USP6NL: variants seen among roughly 807,000 people sequenced by gnomAD.
USP6NL encodes USP6 N-terminal-like protein.
USP6NL carries 26 observed loss-of-function variants against 61.9 expected under a neutral mutation model. The observed-to-expected ratio is 0.42, with a 90% CI of 0.31 to 0.58. The LOEUF is 0.58. Among genes scored for constraint, USP6NL ranks in the 20% least tolerant of loss-of-function variants. The pLI is 0.16. For synonymous variants in USP6NL, 432 were observed against 390.1 expected, an observed-to-expected ratio of 1.11 and a Z score of -1.27; for missense variants, 1,114 against 1,034.3, an observed-to-expected ratio of 1.08 and a Z score of -1.06.
At chr10:11,479,131 T>C (rs1238345727) in intron 14 of USP6NL, among the ~76,000 whole-genome samples, 1 of 152,154 alleles carries the variant, frequency 6.6e-6, no homozygotes. Context: ...AACATATAAA[T>C]GTTAGAAGAG....
rs182536828 is a variant in USP6NL at position 11,608,431 on chromosome 10, G to T, written c.-84+3012C>A. 2.5e-3 allele frequency among the ~76,000 whole-genome samples: 388 copies of T among 152,316 alleles called. 2 individuals are homozygous for T. The highest frequency in any genetic ancestry group is 0.016 in the South Asian group (79 of 4,820). On this transcript the variant is annotated intron_variant, in intron 1 of 14. Transcript: ENST00000609104. Reference sequence around the variant, plus strand: ...CCAACAGTGACTGCTCATGGGCTATGGACGGAACTCATACAGAAGCAGCTT... The same window carrying T: ...CCAACAGTGACTGCTCATGGGCTATTGACGGAACTCATACAGAAGCAGCTT...
chr10:11,512,704 G>C (rs36084760), intron 5 of USP6NL, among the ~76,000 whole-genome samples: 17,217 of 152,064 alleles, frequency 0.11, 1,286 homozygotes, highest in East Asian at 0.16. Flanking sequence ...TTTCCTATTT[G>C]TCTGCCTGTC....
intron 2 of USP6NL, among the ~76,000 whole-genome samples, chr10:11,538,274 T>C (rs1200829157): frequency 6.6e-6 from 1 of 152,166 alleles, no homozygotes; most frequent in Non-Finnish European, 1.5e-5. Flanking sequence ...AAAACTAGAA[T>C]TGTAAGCTGC....
At chr10:11,464,434 G>A (rs1382339031) in intron 14 of USP6NL, among the ~76,000 whole-genome samples, 1 of 152,176 alleles carries the variant, frequency 6.6e-6, no homozygotes, top group African/African-American at 2.4e-5. Flanking sequence ...ACAGTGCAGG[G>A]CTCTACTATT....
intron 2 of USP6NL, chr10:11,573,927 A>G: frequency 2.9e-6 from 1 of 349,802 alleles, no homozygotes; most frequent in Non-Finnish European, 5.1e-6. Flanking sequence ...CCCCATCCTC[A>G]AAGTCCAAAA....
intron 2 of USP6NL, among the ~76,000 whole-genome samples, chr10:11,559,100 A>C (rs1352572863): frequency 6.6e-6 from 1 of 152,218 alleles, no homozygotes; most frequent in African/African-American, 2.4e-5. Flanking sequence ...TCCAAGTGTA[A>C]TAGAGCAACA....
intron 5 of USP6NL, among the ~76,000 whole-genome samples, chr10:11,517,262 C>T (rs1466782976): frequency 3.4e-4 from 52 of 152,174 alleles, no homozygotes; most frequent in Non-Finnish European, 4.4e-5. Flanking sequence ...TCCTTACATT[C>T]CCATTCAAGG....
rs372721793 is a variant in USP6NL at position 11,489,134 on chromosome 10, T to G, written c.632A>C (p.Lys211Thr). The G allele has an allele frequency of 4.2e-5, 68 of 1,613,972 alleles. No homozygotes were observed. Among genetic ancestry groups the G allele is most frequent in the Non-Finnish European group, 5.1e-5 (60 of 1,179,846 alleles). ...GGCATGTTTAGGGCCTGAGAAGAGT[T>G]TGACCAGGGCCCAGAAGGCATCTTC... is the stretch of plus-strand genomic sequence containing the variant. ...NEEDAFWALV[K>T]LFSGPKHAMH... is the part of the protein sequence containing the mutation. The change falls in exon 10 of 15, where the codon AAA becomes ACA. Residue 211 changes from lysine to threonine, a missense_variant. Transcript: ENST00000609104. This position sits in a 1 kb window ranked among gnomAD's most constrained non-coding sequence, Gnocchi z 5.7.
At position 11,511,996 on chromosome 10, in the gene USP6NL, A is replaced by G. The variant is rs1192154590; in HGVS notation, c.196-2321T>C. Among the ~76,000 whole-genome samples, 1 of 152,168 alleles carries G rather than the reference A, an allele frequency of 6.6e-6. No individual in the cohort carries two copies. The highest frequency in any genetic ancestry group is 6.5e-5 in the Admixed American group (1 of 15,280). ...CCCCAATCATGAATCTATAATTCAT[A>G]GATGAAATATACTTTCTCACCAAAG... is the stretch of plus-strand genomic sequence containing the variant. On this transcript the variant is annotated intron_variant, in intron 5 of 14. Transcript: ENST00000609104. The surrounding 1 kb of genome is among the most constrained non-coding windows in gnomAD (Gnocchi z 4.9).
chr10:11,562,328 T>C lies in USP6NL; in HGVS notation c.5-34761A>G, dbSNP rs1836973389. 1.0e-6 allele frequency: 1 copy of C among 961,556 alleles called. No homozygotes were observed. The highest frequency in any genetic ancestry group is 4.8e-5 in the South Asian group (1 of 20,870). 59.6% of individuals were successfully genotyped at this position (961,556 alleles called of 1,614,324 possible). ...AGCTAGCAGCAGCCATGTGACACAG[T>C]TCCGGCTGATGGCTTAAGGAAAAGC... On this transcript the variant is annotated intron_variant, in intron 2 of 14. Transcript: ENST00000609104. This position sits in a 1 kb window ranked among gnomAD's most constrained non-coding sequence, Gnocchi z 4.8.
chr10:11,521,198 T>G (rs1462306562), intron 4 of USP6NL, among the ~76,000 whole-genome samples: 2 of 151,590 alleles, frequency 1.3e-5, no homozygotes, highest in Non-Finnish European at 1.5e-5. Flanking sequence ...TTGACTAAAT[T>G]TTATTTTTGT....
Position 11,478,252 on chromosome 10 carries a change from G to A in USP6NL, c.1078+3518C>T, listed in dbSNP as rs1482792588. Among the ~76,000 whole-genome samples, 1 of 152,218 alleles carries A rather than the reference G, an allele frequency of 6.6e-6. No homozygotes were observed. The highest frequency in any genetic ancestry group is 6.5e-5 in the Admixed American group (1 of 15,284). ...TTAGGCTCCAACGCCAGTGGCAGCA[G>A]CGACGTCCACACACCTGAGGCTGTG... On this transcript the variant is annotated intron_variant, in intron 14 of 14. Coordinates refer to ENST00000609104, the MANE Select transcript of USP6NL (RefSeq NM_014688.5). This position sits in a 1 kb window ranked among gnomAD's most constrained non-coding sequence, Gnocchi z 6.8.
At chr10:11,559,991 A>C (rs543687101) in intron 2 of USP6NL, among the ~76,000 whole-genome samples, 1 of 152,354 alleles carries the variant, frequency 6.6e-6, no homozygotes, top group South Asian at 2.1e-4. Flanking sequence ...ATATTAACAG[A>C]GGTCTTCTCT....
At chr10:11,504,880 C>T (rs1834369476) in intron 6 of USP6NL, among the ~76,000 whole-genome samples, 1 of 152,174 alleles carries the variant, frequency 6.6e-6, no homozygotes, top group South Asian at 2.1e-4. Context: ...GACAGACTCC[C>T]CAGTGAGCCA....
chr10:11,477,897 A>G (rs780124739), intron 14 of USP6NL, among the ~76,000 whole-genome samples: 4 of 152,232 alleles, frequency 2.6e-5, no homozygotes, highest in Admixed American at 6.5e-5. Flanking sequence ...TTGATTTTTC[A>G]AGAAAACTTA....
chr10:11,526,113 T>C lies in USP6NL; in HGVS notation c.73-645A>G, dbSNP rs139096974. Among the ~76,000 whole-genome samples, 68 of 152,306 alleles carry C rather than the reference T, an allele frequency of 4.5e-4. 1 individual carries two copies. The highest frequency in any genetic ancestry group is 1.6e-3 in the African/African-American group (68 of 41,562). On this transcript the variant is annotated intron_variant, in intron 3 of 14. Coordinates refer to ENST00000609104, the MANE Select transcript of USP6NL (RefSeq NM_014688.5). ...CCTCATGCTCCATCAACTCTTCTAA[T>C]GGCTTTTTCATGGGTAACTCGTCAT...
chr10:11,532,323 CAACT>C lies in USP6NL; in HGVS notation c.5-4760_5-4757del, dbSNP rs1705011383. 6 of 1,071,656 alleles carry C rather than the reference CAACT, an allele frequency of 5.6e-6. No individual in the cohort carries two copies. The highest frequency in any genetic ancestry group is 5.4e-5 in the East Asian group (2 of 37,344). 66.4% of individuals were successfully genotyped at this position (1,071,656 alleles called of 1,614,324 possible). ...GCCCGGCGGTACCTCACACATTCTG[CAACT>C]AACTAAAACAAAGAAAGGCAGAGGC... On this transcript the variant is annotated intron_variant, in intron 2 of 14. Transcript: ENST00000609104. The surrounding 1 kb of genome is among the most constrained non-coding windows in gnomAD (Gnocchi z 4.1).
rs1239032000 is a variant in USP6NL at position 11,513,174 on chromosome 10, A to G, written c.196-3499T>C. On this transcript the variant is annotated intron_variant, in intron 5 of 14. Coordinates refer to ENST00000609104, the MANE Select transcript of USP6NL (RefSeq NM_014688.5). This position sits in a 1 kb window ranked among gnomAD's most constrained non-coding sequence, Gnocchi z 4.7. ...AAGAAAAAACAACTGAACCCTATGA[A>G]GGAATTAATAACATTCTGTGGTCTC... 1.3e-5 allele frequency among the ~76,000 whole-genome samples: 2 copies of G among 152,228 alleles called. No homozygotes were observed. Among genetic ancestry groups the G allele is most frequent in the African/African-American group, 2.4e-5 (1 of 41,458 alleles).
At position 11,511,323 on chromosome 10, in the gene USP6NL, A is replaced by G. The variant is rs1264321405; in HGVS notation, c.196-1648T>C. On this transcript the variant is annotated intron_variant, in intron 5 of 14. Transcript: ENST00000609104. This position sits in a 1 kb window ranked among gnomAD's most constrained non-coding sequence, Gnocchi z 4.9. The stretch of plus-strand genomic sequence containing the variant: ...TAAACTGTTGCAGATGGTTCCAGAA[A>G]TATGTTTAATTTTAAAACTCAGTGG... 6.6e-6 allele frequency among the ~76,000 whole-genome samples: 1 copy of G among 152,222 alleles called. No homozygotes were observed. Among genetic ancestry groups the G allele is most frequent in the Non-Finnish European group, 1.5e-5 (1 of 68,028 alleles).
Sources: allele counts gnomAD v4.1 joint callset (sites outside exome capture counted in the v4.1 genomes callset), GRCh38; gene constraint gnomAD v4.1.1; non-coding constraint Gnocchi (gnomAD v3.1); transcripts MANE v1.5; gene names NCBI Gene and HGNC (gene_info 2026-07-23, HGNC 2026-07-21).